SYN3: variants seen among roughly 807,000 people sequenced by gnomAD.
SYN3 encodes synapsin-3.
In SYN3, 35 loss-of-function variants were observed where a neutral mutation model predicts 65.8. The observed-to-expected ratio is 0.53, with a 90% CI of 0.41 to 0.70. The LOEUF (loss-of-function observed/expected upper bound fraction) is 0.70, where lower values mean the gene tolerates loss of function less well. Ranked by LOEUF, SYN3 falls within the 30% of genes least tolerant of loss-of-function variation. The pLI, the probability that SYN3 is intolerant of heterozygous loss-of-function variation, is 0.00. For missense variants in SYN3, 680 were observed against 749.0 expected (o/e 0.91, Z 1.08); for synonymous variants, 270 against 292.9 (o/e 0.92, Z 0.80).
chr22:32,542,103 G>A (rs1313900476), intron 7 of SYN3, among the ~76,000 whole-genome samples: 2 of 152,206 alleles, frequency 1.3e-5, no homozygotes, highest in Non-Finnish European at 2.9e-5. Context: ...GGAACAGACT[G>A]TGGAGGGCCA....
chr22:32,893,103 G>A (rs2049497142), intron 4 of SYN3, among the ~76,000 whole-genome samples: 1 of 152,210 alleles, frequency 6.6e-6, no homozygotes, highest in East Asian at 1.9e-4. Flanking sequence ...ATCAGGGTCA[G>A]CTTGCCTGGG....
chr22:32,976,372 G>A (rs1016088173), intron 3 of SYN3, among the ~76,000 whole-genome samples: 2 of 152,176 alleles, frequency 1.3e-5, no homozygotes, highest in Non-Finnish European at 2.9e-5. Context: ...TGGTACCTCT[G>A]TCAACACGGA....
chr22:32,624,852 C>T (rs2059643808), intron 6 of SYN3, among the ~76,000 whole-genome samples: 1 of 152,182 alleles, frequency 6.6e-6, no homozygotes, highest in African/African-American at 2.4e-5. Flanking sequence ...GTATTCTAGT[C>T]CTGCCCGCTA....
intron 4 of SYN3, among the ~76,000 whole-genome samples, chr22:32,924,257 C>T (rs2050410611): frequency 6.6e-6 from 1 of 152,190 alleles, no homozygotes; most frequent in African/African-American, 2.4e-5. Context: ...TGATTCCCCC[C>T]ACTGAAGGAC....
chr22:32,587,095 G>A lies in SYN3; in HGVS notation c.774+9579C>T, dbSNP rs535236192. Reference sequence around the variant, plus strand: ...AAATTAGCTGGGCATGGTGGCCTGCGTCTGTAGTCCCAGCTACTCAGGAGG... The same window carrying A: ...AAATTAGCTGGGCATGGTGGCCTGCATCTGTAGTCCCAGCTACTCAGGAGG... On this transcript the variant is annotated intron_variant, in intron 7 of 13. Transcript: ENST00000358763. Among the ~76,000 whole-genome samples, 50 of 151,988 alleles carry A rather than the reference G, an allele frequency of 3.3e-4. No homozygotes were observed. In the South Asian group the frequency reaches 7.7e-3, roughly 23 times the overall value.
chr22:32,747,012 C>G (rs960596857), intron 6 of SYN3, among the ~76,000 whole-genome samples: 5 of 152,118 alleles, frequency 3.3e-5, no homozygotes, highest in Non-Finnish European at 7.4e-5. Context: ...GGTAGACTCC[C>G]TGGCTGGAGG....
intron 3 of SYN3, among the ~76,000 whole-genome samples, chr22:32,933,650 G>C (rs113439609): frequency 0.018 from 2,688 of 152,198 alleles, 97 homozygotes; most frequent in African/African-American, 0.061. Flanking sequence ...ATGTTGGCCA[G>C]GCTGGTCTTG....
chr22:32,633,578 G>T (rs1312130503), intron 6 of SYN3, among the ~76,000 whole-genome samples: 3 of 152,178 alleles, frequency 2.0e-5, no homozygotes, highest in Non-Finnish European at 4.4e-5. Context: ...GCCGAGGACA[G>T]CAGATTTTGA....
At chr22:33,013,390 G>A (rs1400276871) in intron 1 of SYN3, among the ~76,000 whole-genome samples, 1 of 152,150 alleles carries the variant, frequency 6.6e-6, no homozygotes, top group African/African-American at 2.4e-5. Flanking sequence ...TTGCAGAGAG[G>A]ATGGTTAGAG....
intron 6 of SYN3, among the ~76,000 whole-genome samples, chr22:32,823,977 T>C (rs930259380): frequency 1.2e-4 from 18 of 152,246 alleles, no homozygotes; most frequent in African/African-American, 4.3e-4. Context: ...AACCCTTACA[T>C]TCCTGTAAAA....
intron 4 of SYN3, among the ~76,000 whole-genome samples, chr22:32,883,271 A>G (rs1171989980): frequency 6.6e-6 from 1 of 152,196 alleles, no homozygotes; most frequent in Non-Finnish European, 1.5e-5. Context: ...CTTCCAGCAT[A>G]AATGCTTCCA....
intron 8 of SYN3, among the ~76,000 whole-genome samples, chr22:32,538,888 G>A (rs1219005104): frequency 1.3e-5 from 2 of 152,172 alleles, no homozygotes; most frequent in Non-Finnish European, 2.9e-5. Flanking sequence ...AATCCTGACG[G>A]TAGGGGACAT....
At chr22:32,767,129 T>C (rs762476474) in intron 6 of SYN3, among the ~76,000 whole-genome samples, 2 of 152,176 alleles carry the variant, frequency 1.3e-5, no homozygotes, top group Non-Finnish European at 2.9e-5. Context: ...TCAGGGATGC[T>C]ACACATGTTA....
intron 6 of SYN3, among the ~76,000 whole-genome samples, chr22:32,748,501 A>T (rs1602050722): frequency 1.3e-5 from 2 of 152,356 alleles, no homozygotes; most frequent in African/African-American, 4.8e-5. Flanking sequence ...AGAGTATCTT[A>T]CATCAACAGT....
At chr22:32,615,561 T>C (rs754398334) in intron 6 of SYN3, among the ~76,000 whole-genome samples, 11 of 151,992 alleles carry the variant, frequency 7.2e-5, no homozygotes, top group Middle Eastern at 6.8e-3. Context: ...TCTGCCACAT[T>C]CTGGAGGAGG....
In SYN3 at chr22:32,574,676, A is replaced by G. The variant is rs2858347; in HGVS notation, c.774+21998T>C. ...CACCAAGCTCAGTGTTGCCTCAGGG[A>G]CTTTGCCCTTGGTACTCCCTCTGCC... On this transcript the variant is annotated intron_variant, in intron 7 of 13. Coordinates refer to ENST00000358763, the MANE Select transcript of SYN3 (RefSeq NM_003490.4). Among the ~76,000 whole-genome samples, 48 of 151,942 alleles carry G rather than the reference A, an allele frequency of 3.2e-4. 1 individual carries two copies. Among genetic ancestry groups the G allele is most frequent in the African/African-American group, 1.1e-3 (47 of 41,436 alleles).
intron 6 of SYN3, chr22:32,858,211 C>T (rs2048430317): frequency 6.3e-7 from 1 of 1,592,526 alleles, no homozygotes; most frequent in Non-Finnish European, 8.6e-7. Context: ...GCTCCCAATG[C>T]ACTGGGTGCC....
At chr22:32,811,159 G>A (rs534280678) in intron 6 of SYN3, among the ~76,000 whole-genome samples, 20 of 152,084 alleles carry the variant, frequency 1.3e-4, no homozygotes, top group Admixed American at 5.2e-4. Context: ...CTGACTATAC[G>A]GTAATAAAAT....
chr22:33,033,293 G>C (rs1218813423), intron 1 of SYN3, among the ~76,000 whole-genome samples: 1 of 152,140 alleles, frequency 6.6e-6, no homozygotes, highest in Non-Finnish European at 1.5e-5. Flanking sequence ...GAGCCACCAG[G>C]CCCAGCCCAG....
Sources: gnomAD v4.1 joint callset for allele counts (sites outside exome capture counted in the v4.1 genomes callset) on GRCh38, gnomAD v4.1.1 for gene constraint, MANE v1.5 for transcripts, NCBI Gene and HGNC (gene_info 2026-07-23, HGNC 2026-07-21) for gene names.